SCEL: variants seen among roughly 807,000 people sequenced by gnomAD.
The protein encoded by SCEL is sciellin.
A neutral mutation model predicts 117.6 loss-of-function variants in SCEL; 113 were observed. The ratio of observed to expected loss-of-function variants is 0.96; its 90% CI spans 0.83 to 1.12. The LOEUF is 1.12. SCEL is among the 50% of genes most tolerant of loss of function. The pLI, the probability that SCEL is intolerant of heterozygous loss-of-function variation, is 0.00. For synonymous variants in SCEL, 270 were observed against 256.2 expected (o/e 1.05, Z -0.51); for missense variants, 785 against 810.8 (o/e 0.97, Z 0.39).
intron 1 of SCEL, among the ~76,000 whole-genome samples, chr13:77,550,400 A>ATATATATATAT (rs2084246064): frequency 6.8e-6 from 1 of 147,952 alleles, no homozygotes; most frequent in African/African-American, 2.5e-5. Flanking sequence ...ATATATATAT[A>ATATATATATAT]TATATATATA....
At chr13:77,559,378 A>G (rs962793666) in intron 3 of SCEL, among the ~76,000 whole-genome samples, 4 of 152,248 alleles carry the variant, frequency 2.6e-5, no homozygotes, top group Non-Finnish European at 4.4e-5. Context: ...AAGTCCACCA[A>G]CATACCCAGA....
chr13:77,617,971 A>G (rs1385931140), intron 26 of SCEL, 33 bp from the exon 27 acceptor site: 3 of 1,606,962 alleles, frequency 1.9e-6, no homozygotes, highest in Non-Finnish European at 2.6e-6. Context: ...TCTATTACCA[A>G]TCTGAACTTT....
chr13:77,611,682 A>G (rs989561869), intron 22 of SCEL, among the ~76,000 whole-genome samples: 3 of 152,068 alleles, frequency 2.0e-5, no homozygotes, highest in African/African-American at 7.2e-5. Context: ...TGGTAGTGAG[A>G]TTTTTTACTT....
At chr13:77,606,054 A>C (rs765647298) in intron 19 of SCEL, among the ~76,000 whole-genome samples, 69 of 152,312 alleles carry the variant, frequency 4.5e-4, no homozygotes, top group Admixed American at 1.4e-3. Flanking sequence ...ATATGTGGGC[A>C]TGCCTATGCT....
At chr13:77,578,811 T>C (rs144078743) in intron 9 of SCEL, among the ~76,000 whole-genome samples, 1 of 152,244 alleles carries the variant, frequency 6.6e-6, no homozygotes, top group East Asian at 1.9e-4. Context: ...CGGCAGGATA[T>C]ATTTGTAGCA....
At chr13:77,584,694 C>A (rs142015989) in intron 9 of SCEL, among the ~76,000 whole-genome samples, 74 of 152,304 alleles carry the variant, frequency 4.9e-4, no homozygotes, top group Non-Finnish European at 9.4e-4. Context: ...TCCTGCCTGT[C>A]CTCAGACATC....
chr13:77,630,796 C>T (rs926014184), intron 28 of SCEL, among the ~76,000 whole-genome samples: 1 of 152,124 alleles, frequency 6.6e-6, no homozygotes, highest in Non-Finnish European at 1.5e-5. Context: ...AATTAAGAAA[C>T]AAAACTGTGA....
chr13:77,637,660 G>A (rs1443554184), intron 30 of SCEL, among the ~76,000 whole-genome samples: 2 of 152,052 alleles, frequency 1.3e-5, no homozygotes, highest in Admixed American at 1.3e-4. Flanking sequence ...TCCCCAGGAG[G>A]CCCCAGGACT....
intron 27 of SCEL, among the ~76,000 whole-genome samples, chr13:77,620,125 A>T (rs1416144079): frequency 6.6e-6 from 1 of 152,182 alleles, no homozygotes; most frequent in Non-Finnish European, 1.5e-5. Context: ...CACAAATCTA[A>T]CCTAACCTAT....
chr13:77,642,825 A>AG lies in SCEL; in HGVS notation c.2050+17_2050+18insG. ...AAATTATGGGTAAGTGTTACACTCTAAGCATTTAACACTTTGGTTAACCTT... is the reference window on the plus strand; with the variant it reads ...AAATTATGGGTAAGTGTTACACTCTAGAGCATTTAACACTTTGGTTAACCTT... On this transcript the variant is annotated intron_variant, in intron 32 of 32. Coordinates refer to ENST00000349847, the MANE Select transcript of SCEL (RefSeq NM_144777.3). 1 of 1,397,350 alleles carries AG rather than the reference A, an allele frequency of 7.2e-7. No homozygotes were observed. The highest frequency in any genetic ancestry group is 9.9e-7 in the Non-Finnish European group (1 of 1,009,456). The allele number at this position is 1,397,350 out of a possible 1,614,324, so 86.6% of individuals were successfully genotyped here. A position where few individuals can be genotyped will look rare whatever the true frequency, so the allele number is the denominator to read the frequency against.
At chr13:77,593,684 C>A (rs896042708) in intron 12 of SCEL, 111 bp downstream of exon 12, 1 of 671,288 alleles carries the variant, frequency 1.5e-6, no homozygotes, top group Non-Finnish European at 2.6e-6. Flanking sequence ...TGCTGTATAT[C>A]GTATATAATT....
At chr13:77,636,648 C>A (rs2090290806) in intron 29 of SCEL, among the ~76,000 whole-genome samples, 1 of 152,116 alleles carries the variant, frequency 6.6e-6, no homozygotes, top group Admixed American at 6.6e-5. Flanking sequence ...TGCTTTCATT[C>A]TAAATTATTC....
In SCEL at chr13:77,595,327, AT is replaced by A. The variant is rs1247322766; in HGVS notation, c.752+1755del. 3.9e-5 allele frequency among the ~76,000 whole-genome samples: 6 copies of A among 152,202 alleles called. No individual in the cohort carries two copies. The East Asian group carries it at 1.2e-3, about 29-fold the overall frequency. ...ACAGGGAGTAGAAATGGCTTTAGTT[AT>A]CCGAGCTGCTCTTTGTGAAATGGAA... On this transcript the variant is annotated intron_variant, in intron 12 of 32. Coordinates refer to ENST00000349847, the MANE Select transcript of SCEL (RefSeq NM_144777.3).
intron 9 of SCEL, among the ~76,000 whole-genome samples, chr13:77,582,636 T>C (rs2086326185): frequency 2.0e-5 from 3 of 152,224 alleles, no homozygotes; most frequent in Admixed American, 2.0e-4. Context: ...TTGTCAGATA[T>C]GTGAATAGCA....
chr13:77,540,453 T>C (rs906356201), intron 1 of SCEL, among the ~76,000 whole-genome samples: 1 of 152,168 alleles, frequency 6.6e-6, no homozygotes, highest in Non-Finnish European at 1.5e-5. Context: ...GAACACATAG[T>C]AGGGCTCATA....
chr13:77,564,796 T>C (rs2085192580), intron 5 of SCEL, among the ~76,000 whole-genome samples: 2 of 152,330 alleles, frequency 1.3e-5, no homozygotes, highest in South Asian at 2.1e-4. Flanking sequence ...TGTTGATTAA[T>C]GTAGCAAATG....
At chr13:77,558,424 G>C in intron 3 of SCEL, among the ~76,000 whole-genome samples, 1 of 151,972 alleles carries the variant, frequency 6.6e-6, no homozygotes, top group Admixed American at 6.6e-5. Flanking sequence ...GTTCTCTCGG[G>C]GTCTTTGAGA....
intron 28 of SCEL, among the ~76,000 whole-genome samples, chr13:77,633,442 C>CAAAAAAAAAAAAAAAAAAAAAAA (rs59939208): frequency 3.3e-4 from 10 of 30,020 alleles, no homozygotes; most frequent in African/African-American, 7.8e-4. Flanking sequence ...GACTCCGCCT[C>CAAAAAAAAAAAAAAAAAAAAAAA]AAAAAAAAAA....
chr13:77,634,035 G>C (rs2090156888), intron 28 of SCEL, among the ~76,000 whole-genome samples: 1 of 152,156 alleles, frequency 6.6e-6, no homozygotes, highest in African/African-American at 2.4e-5. Context: ...TATGAAGAAA[G>C]TTATGGTTTG....
Sources: allele counts gnomAD v4.1 joint callset (sites outside exome capture counted in the v4.1 genomes callset), GRCh38; gene constraint gnomAD v4.1.1; transcripts MANE v1.5; gene names NCBI Gene and HGNC (gene_info 2026-07-23, HGNC 2026-07-21).